Variants in GNB4 observed in about 807,000 individuals in gnomAD.
GNB4 encodes the protein guanine nucleotide-binding protein subunit beta-4.
Under a neutral mutation model 45.2 loss-of-function variants are expected in GNB4, and 28 were observed. The ratio of observed to expected loss-of-function variants is 0.62; its 90% confidence interval spans 0.46 to 0.85. GNB4 has a LOEUF of 0.85. Ranked by LOEUF, GNB4 falls within the 40% of genes least tolerant of loss-of-function variation. The pLI, the probability that GNB4 is intolerant of heterozygous loss-of-function variation, is 0.00. For missense variants in GNB4, 321 were observed against 425.4 expected (o/e 0.75, Z 2.16); for synonymous variants, 132 against 143.7 (o/e 0.92, Z 0.58).
At chr3:179,468,481 G>A in the GNB4 span, among the ~76,000 whole-genome samples, 28 of 146,724 alleles carry the variant, frequency 1.9e-4, no homozygotes, top group African/African-American at 6.8e-4. Flanking sequence ...GGCAAGAAGA[G>A]CAAAACTCTG....
At chr3:179,501,960 T>C in the GNB4 span, among the ~76,000 whole-genome samples, 1 of 152,178 alleles carries the variant, frequency 6.6e-6, no homozygotes, top group African/African-American at 2.4e-5. Flanking sequence ...ATTATTATTC[T>C]ATTTTAGGTC....
intron 1 of GNB4, chr3:179,437,599 T>C (rs945026148): frequency 6.6e-6 from 1 of 151,944 alleles, no homozygotes; most frequent in Non-Finnish European, 1.5e-5. Flanking sequence ...AATAGCTTCA[T>C]GTTGTTATAG....
the GNB4 span, among the ~76,000 whole-genome samples, chr3:179,515,769 G>A: frequency 6.6e-6 from 1 of 152,214 alleles, no homozygotes; most frequent in Admixed American, 6.5e-5. Flanking sequence ...ATTTTCGGGG[G>A]GTGGTATGGA....
At chr3:179,455,762 A>C (rs1715967035), upstream of GNB4, among the ~76,000 whole-genome samples, 1 of 152,230 alleles carries the variant, frequency 6.6e-6, no homozygotes, top group African/African-American at 2.4e-5. Context: ...AATTTCCAAC[A>C]TGGGCAGGGC....
At chr3:179,470,975 T>G in the GNB4 span, among the ~76,000 whole-genome samples, 1 of 151,992 alleles carries the variant, frequency 6.6e-6, no homozygotes, top group Admixed American at 6.6e-5. Flanking sequence ...GTCAGGAGAT[T>G]GAGACCATCC....
At chr3:179,482,126 C>A in the GNB4 span, among the ~76,000 whole-genome samples, 1 of 152,078 alleles carries the variant, frequency 6.6e-6, no homozygotes, top group Non-Finnish European at 1.5e-5. Context: ...TGGTCTTGAA[C>A]TCAAGTAATC....
the GNB4 span, among the ~76,000 whole-genome samples, chr3:179,517,763 C>A: frequency 0.56 from 84,792 of 151,876 alleles, 23,972 homozygotes; most frequent in East Asian, 0.62. Context: ...TGGTAGAGAC[C>A]AAGGAGACAC....
At chr3:179,401,551 C>T (rs1714302912) in intron 9 of GNB4, among the ~76,000 whole-genome samples, 1 of 152,146 alleles carries the variant, frequency 6.6e-6, no homozygotes, top group African/African-American at 2.4e-5. Context: ...TTTTGACATG[C>T]ATCAATTTGT....
chr3:179,470,606 G>A, the GNB4 span, among the ~76,000 whole-genome samples: 20 of 151,220 alleles, frequency 1.3e-4, no homozygotes, highest in African/African-American at 4.9e-4. Context: ...GTGCAATGGC[G>A]CGATCTCTGC....
At chr3:179,519,800 C>T in the GNB4 span, among the ~76,000 whole-genome samples, 48,048 of 151,938 alleles carry the variant, frequency 0.32, 8,976 homozygotes, top group Middle Eastern at 0.49. Context: ...ATGCACCCCT[C>T]ACCATCCCAT....
At chr3:179,508,476 T>C in the GNB4 span, among the ~76,000 whole-genome samples, 2 of 152,202 alleles carry the variant, frequency 1.3e-5, no homozygotes, top group Non-Finnish European at 2.9e-5. Flanking sequence ...TAGATAGCTA[T>C]CTGCTTACAT....
chr3:179,433,136 CAG>C (rs1715352107), intron 1 of GNB4, among the ~76,000 whole-genome samples: 1 of 151,934 alleles, frequency 6.6e-6, no homozygotes, highest in South Asian at 2.1e-4. Context: ...TGATTACAGA[CAG>C]AAAGTTTTCC....
intron 4 of GNB4, among the ~76,000 whole-genome samples, chr3:179,417,203 A>G (rs1714823627): frequency 6.6e-6 from 1 of 152,206 alleles, no homozygotes; most frequent in Non-Finnish European, 1.5e-5. Context: ...GTATTTTAGG[A>G]GAAAGCTATG....
chr3:179,490,390 C>T, the GNB4 span, among the ~76,000 whole-genome samples: 7 of 151,960 alleles, frequency 4.6e-5, no homozygotes, highest in South Asian at 4.2e-4. Context: ...GAGATAGAAG[C>T]GATAGAAAAT....
chr3:179,494,907 CAAAAA>C, the GNB4 span, among the ~76,000 whole-genome samples: 10 of 33,984 alleles, frequency 2.9e-4, no homozygotes, highest in Admixed American at 9.7e-4. Flanking sequence ...GACTCTGTCT[CAAAAA>C]AAAAAAAAAA....
chr3:179,526,736 T>C, the GNB4 span, among the ~76,000 whole-genome samples: 3 of 152,212 alleles, frequency 2.0e-5, no homozygotes, highest in South Asian at 4.1e-4. Context: ...CTTAGTCTGG[T>C]TGTATAAACT....
intron 8 of GNB4, among the ~76,000 whole-genome samples, chr3:179,406,171 A>C (rs762804992): frequency 5.3e-5 from 8 of 152,238 alleles, no homozygotes; most frequent in East Asian, 1.9e-4. Flanking sequence ...ATTACTACAG[A>C]TTTCCTTCCA....
At chr3:179,447,304 A>G (rs1205949134) in intron 1 of GNB4, among the ~76,000 whole-genome samples, 1 of 148,382 alleles carries the variant, frequency 6.7e-6, no homozygotes, top group Non-Finnish European at 1.5e-5. Flanking sequence ...TGAGACTAGA[A>G]GGGTGTGCCA....
At chr3:179,407,149 C>T (rs1714497599) in intron 8 of GNB4, among the ~76,000 whole-genome samples, 2 of 152,172 alleles carry the variant, frequency 1.3e-5, no homozygotes, top group East Asian at 1.9e-4. Context: ...AACGAAGGAG[C>T]GTGCCTCTGA....
Sources: allele counts gnomAD v4.1 joint callset (sites outside exome capture counted in the v4.1 genomes callset), GRCh38; gene constraint gnomAD v4.1.1; transcripts MANE v1.5; gene names NCBI Gene and HGNC (gene_info 2026-07-23, HGNC 2026-07-21).